Variants in NAV1 observed in about 807,000 individuals in gnomAD.
The protein encoded by NAV1 is neuron navigator 1.
In NAV1, 18 loss-of-function variants were observed where a neutral mutation model predicts 175.2. The ratio of observed to expected loss-of-function variants is 0.10; its 90% CI spans 0.07 to 0.15. The LOEUF (loss-of-function observed/expected upper bound fraction) is 0.15, where lower values mean the gene tolerates loss of function less well. NAV1 is among the 10% of genes least tolerant of loss of function. The pLI, the probability that NAV1 is intolerant of heterozygous loss-of-function variation, is 1.00. For missense variants in NAV1, 1,731 were observed against 2,436.6 expected, an observed-to-expected ratio of 0.71 and a Z score of 6.10; for synonymous variants, 897 against 978.7, an observed-to-expected ratio of 0.92 and a Z score of 1.56.
At chr1:201,746,210 G>A (rs528020473) in intron 3 of NAV1, among the ~76,000 whole-genome samples, 26 of 152,212 alleles carry the variant, frequency 1.7e-4, no homozygotes, top group African/African-American at 6.0e-4. Context: ...AAGTTTCTAG[G>A]GGCCAGGGGA....
chr1:201,559,945 G>A (rs1467326969), intron 1 of NAV1, among the ~76,000 whole-genome samples: 1 of 152,180 alleles, frequency 6.6e-6, no homozygotes, highest in African/African-American at 2.4e-5. Context: ...CCACAGGCAC[G>A]TGTCCCCTCC....
chr1:201,559,211 G>T (rs1333793912), intron 1 of NAV1, among the ~76,000 whole-genome samples: 1 of 152,098 alleles, frequency 6.6e-6, no homozygotes, highest in East Asian at 1.9e-4. Flanking sequence ...TAAATTGGGG[G>T]TTATTTATGG....
intron 1 of NAV1, among the ~76,000 whole-genome samples, chr1:201,571,554 A>G (rs1026837467): frequency 6.6e-6 from 1 of 152,200 alleles, no homozygotes; most frequent in Non-Finnish European, 1.5e-5. Context: ...TCACAGACAA[A>G]GGGGACCACA....
At chr1:201,598,989 A>T (rs751085916) in intron 2 of NAV1, among the ~76,000 whole-genome samples, 1 of 152,224 alleles carries the variant, frequency 6.6e-6, no homozygotes, top group African/African-American at 2.4e-5. Flanking sequence ...GCTGCCTGTC[A>T]TTCAGAAAAC....
intron 3 of NAV1, chr1:201,723,570 G>T (rs1017211269): frequency 6.6e-6 from 1 of 152,172 alleles, no homozygotes; most frequent in Non-Finnish European, 1.5e-5. Flanking sequence ...AGCTGATGGG[G>T]TTTTTTGGAA....
chr1:201,703,979 G>C (rs1671555352), intron 1 of NAV1, among the ~76,000 whole-genome samples: 1 of 152,206 alleles, frequency 6.6e-6, no homozygotes, highest in Admixed American at 6.5e-5. Context: ...TTCCCCAGGG[G>C]ACTGGAGCAG....
intron 1 of NAV1, among the ~76,000 whole-genome samples, chr1:201,651,963 C>A (rs1669222401): frequency 6.6e-6 from 1 of 151,838 alleles, no homozygotes; most frequent in South Asian, 2.1e-4. Flanking sequence ...TAAGCTTTTC[C>A]CTGTGTGAAG....
chr1:201,794,245 A>T (rs1403905496), intron 14 of NAV1: 1 of 633,466 alleles, frequency 1.6e-6, no homozygotes, highest in Admixed American at 2.1e-5. Flanking sequence ...TCTGCCTCCC[A>T]GGTTCAAGCG....
chr1:201,646,545 T>C (rs570596385), upstream of NAV1, among the ~76,000 whole-genome samples: 1 of 152,128 alleles, frequency 6.6e-6, no homozygotes, highest in East Asian at 1.9e-4. Flanking sequence ...AATCGCCACC[T>C]TTTTTTCTAT....
At chr1:201,572,443 A>G (rs190057849) in intron 1 of NAV1, among the ~76,000 whole-genome samples, 1 of 145,418 alleles carries the variant, frequency 6.9e-6, no homozygotes, top group East Asian at 2.0e-4. Flanking sequence ...ATCTTGGCTC[A>G]CTGCAACCTC....
chr1:201,708,609 C>G (rs1287008733), intron 1 of NAV1, among the ~76,000 whole-genome samples: 2 of 152,158 alleles, frequency 1.3e-5, no homozygotes, highest in African/African-American at 4.8e-5. Context: ...TAGGACCTGG[C>G]TAGAGGTGGG....
intron 3 of NAV1, among the ~76,000 whole-genome samples, chr1:201,728,095 C>T (rs1672684354): frequency 6.6e-6 from 1 of 152,138 alleles, no homozygotes; most frequent in Admixed American, 6.5e-5. Context: ...ATGTGAACCC[C>T]TGGCTCTCAA....
intron 3 of NAV1, among the ~76,000 whole-genome samples, chr1:201,735,959 C>T (rs949716213): frequency 1.3e-5 from 2 of 152,144 alleles, no homozygotes; most frequent in Non-Finnish European, 2.9e-5. Flanking sequence ...TCTTTCCTTT[C>T]CCTGCCCCTC....
intron 7 of NAV1, among the ~76,000 whole-genome samples, chr1:201,784,966 C>T (rs553322279): frequency 6.6e-6 from 1 of 152,140 alleles, no homozygotes; most frequent in Non-Finnish European, 1.5e-5. Context: ...GACGAGGTTT[C>T]ACCGTGTTAG....
upstream of NAV1, chr1:201,648,121 C>T: frequency 4.9e-6 from 2 of 410,052 alleles, no homozygotes; most frequent in Non-Finnish European, 6.6e-6. Flanking sequence ...ACACTCGCTC[C>T]CCTCCTCCTG....
At chr1:201,819,813 A>G (rs771574260) in intron 29 of NAV1, 24 bp from the exon 34 acceptor site, 1 of 1,608,874 alleles carries the variant, frequency 6.2e-7, no homozygotes, top group Non-Finnish European at 8.5e-7. Context: ...ACTCTCATAA[A>G]TCCATCTTTT....
intron 1 of NAV1, among the ~76,000 whole-genome samples, chr1:201,548,876 A>G (rs74136641): frequency 0.021 from 3,227 of 152,334 alleles, 109 homozygotes; most frequent in African/African-American, 0.073. Flanking sequence ...GGGAATAGTT[A>G]TTAGTATGTT....
At position 201,787,484 on chromosome 1, in the gene NAV1, T is replaced by G. The variant is rs75233945; in HGVS notation, c.2995+907T>G. 0.017 allele frequency among the ~76,000 whole-genome samples: 2,637 copies of G among 152,284 alleles called. 79 individuals carry two copies. Among genetic ancestry groups the G allele is most frequent in the African/African-American group, 0.06 (2,511 of 41,562 alleles). On this transcript the variant is annotated intron_variant, in intron 9 of 29. Transcript: ENST00000367296. The surrounding 1 kb of genome is among the most constrained non-coding windows in gnomAD (Gnocchi z 4.3). ...ATTGTTCAGACAGGATCATCTGCCC[T>G]CTGAAGGGCTACTAAATGGAGGATG...
intron 1 of NAV1, among the ~76,000 whole-genome samples, chr1:201,711,477 T>C (rs1671903647): frequency 1.3e-5 from 2 of 152,094 alleles, no homozygotes; most frequent in Non-Finnish European, 1.5e-5. Context: ...CTTGAAGAGA[T>C]TCAGAAATGT....
Sources: allele counts gnomAD v4.1 joint callset (sites outside exome capture counted in the v4.1 genomes callset), GRCh38; gene constraint gnomAD v4.1.1; non-coding constraint Gnocchi (gnomAD v3.1); transcripts MANE v1.5; gene names NCBI Gene and HGNC (gene_info 2026-07-23, HGNC 2026-07-21).